Variants in ACTN3 observed in about 807,000 individuals in gnomAD.
ACTN3 encodes actinin alpha 3.
In ACTN3, 91 loss-of-function variants were observed where a neutral mutation model predicts 119.6. That is an observed-to-expected ratio of 0.76 (90% CI 0.64 to 0.91). ACTN3 has a LOEUF of 0.91. Among genes scored for constraint, ACTN3 ranks in the 40% least tolerant of loss-of-function variants. The pLI is 0.00. For synonymous variants in ACTN3, 456 were observed against 478.8 expected (o/e 0.95, Z 0.62); for missense variants, 1,221 against 1,215.1 (o/e 1.00, Z -0.07).
At position 66,555,283 on chromosome 11, in the gene ACTN3, T is replaced by C. The variant is rs1249032828; in HGVS notation, c.637-3T>C. The C allele has an allele frequency of 4.3e-6, 7 of 1,613,682 alleles. No individual in the cohort carries two copies. Among genetic ancestry groups the C allele is most frequent in the Non-Finnish European group, 1.7e-6 (2 of 1,179,752 alleles). On this transcript the variant is annotated splice_polypyrimidine_tract_variant and splice_region_variant and intron_variant, in intron 6 of 20. Coordinates refer to ENST00000513398, the MANE Select transcript of ACTN3 (RefSeq NM_001104.4). The stretch of plus-strand genomic sequence containing the variant: ...TTCACCCTCCTCCCTTACACCCTTC[T>C]AGGATGACCCCATCGGAAACCTGAA...
At position 66,561,545 on chromosome 11, in the gene ACTN3, T is replaced by A. The variant is rs762379295; in HGVS notation, c.2083T>A (p.Tyr695Asn). Residue 695 changes from tyrosine to asparagine, a missense_variant, in exon 17 of 21, where the codon TAC becomes AAC. Physicochemically the swap from Tyr to Asn is moderately radical, Grantham distance 143. This residue lies in a region of ACTN3 where 934 missense variants were observed against 899.9 expected (regional missense o/e 1.04). Coordinates refer to ENST00000513398, the MANE Select transcript of ACTN3 (RefSeq NM_001104.4). ...LRQQEQNIINYKTNIDRLEGD... is the reference protein window; with the variant it reads ...LRQQEQNIINNKTNIDRLEGD... ...GCAGCAGGAGCAGAACATTATCAAC[T>A]ACAAGACTAACATTGACCGGCTGGA... is the stretch of plus-strand genomic sequence containing the variant. 6.2e-7 allele frequency: 1 copy of A among 1,612,016 alleles called. No individual in the cohort carries two copies. The highest frequency in any genetic ancestry group is 2.2e-5 in the East Asian group (1 of 44,822).
chr11:66,557,639 T>C, intron 9 of ACTN3, 60 bp from the exon 10 acceptor site: 1 of 1,533,062 alleles, frequency 6.5e-7, no homozygotes, highest in Middle Eastern at 1.7e-4. Context: ...TGGAGAGGGG[T>C]GGGTGAGCTG....
In ACTN3 at chr11:66,563,059, C is replaced by T. The variant is rs374545131; in HGVS notation, c.2572C>T (p.Arg858Trp). 32 of 1,612,138 alleles carry T rather than the reference C, an allele frequency of 2.0e-5. No homozygotes were observed. The highest frequency in any genetic ancestry group is 9.3e-5 in the African/African-American group (7 of 74,890). Residue 858 changes from arginine (R) to tryptophan (W), a missense_variant, in exon 21 of 21, where the codon CGG becomes TGG. By Grantham distance (101) the Arg-to-Trp change is moderately radical. Around this residue, in one of 3 missense-constraint regions of ACTN3, gnomAD observed 934 missense variants for 899.9 expected, o/e 1.04. Transcript: ENST00000513398. The part of the protein sequence containing the change: ...DKNYITPEEL[R>W]RELPAKQAEY... Reference sequence around the variant, plus strand: ...GAACTACATCACCCCCGAGGAGCTGCGGCGCGAGCTCCCTGCCAAGCAGGC... The same window carrying T: ...GAACTACATCACCCCCGAGGAGCTGTGGCGCGAGCTCCCTGCCAAGCAGGC...
At chr11:66,555,572 TC>T (rs1857575323) in intron 7 of ACTN3, among the ~76,000 whole-genome samples, 2 of 151,560 alleles carry the variant, frequency 1.3e-5, no homozygotes, top group Non-Finnish European at 2.9e-5. Context: ...CTGCCACCTC[TC>T]CCCTATGTAA....
intron 12 of ACTN3, 46 bp from the exon 13 acceptor site, chr11:66,559,922 T>C: frequency 6.5e-7 from 1 of 1,539,804 alleles, no homozygotes; most frequent in Non-Finnish European, 8.8e-7. Flanking sequence ...AGTTAGGACA[T>C]CTGGGCTGGG....
Position 66,562,923 on chromosome 11 carries a change from T to C in ACTN3, c.2516T>C (p.Val839Ala), listed in dbSNP as rs1047345540. ...GAGACTGACACGACTGAGCAAGTTGTAGCTTCCTTCAAGATCTTGGCAGGA... is the reference window on the plus strand; with the variant it reads ...GAGACTGACACGACTGAGCAAGTTGCAGCTTCCTTCAAGATCTTGGCAGGA... ...TAETDTTEQVVASFKILAGDK... is the reference protein window; with the variant it reads ...TAETDTTEQVAASFKILAGDK... The change falls in exon 20 of 21, where the codon GTA (valine) becomes GCA (alanine). Residue 839 changes from valine to alanine, a missense_variant. Val to Ala is a moderately conservative substitution (Grantham distance 64). Transcript: ENST00000513398. 1.9e-6 allele frequency: 3 copies of C among 1,613,666 alleles called. No individual in the cohort carries two copies. The highest frequency in any genetic ancestry group is 2.7e-5 in the African/African-American group (2 of 74,996).
chr11:66,560,928 T>C (rs928998013), intron 15 of ACTN3, 173 bp downstream of exon 15: 1 of 281,030 alleles, frequency 3.6e-6, no homozygotes, highest in African/African-American at 2.3e-5. Flanking sequence ...CATCTGTATA[T>C]GATGAGCTGT....
intron 1 of ACTN3, among the ~76,000 whole-genome samples, chr11:66,549,384 A>G (rs1415502712): frequency 1.3e-5 from 2 of 152,202 alleles, no homozygotes; most frequent in African/African-American, 4.8e-5. Flanking sequence ...TCAGACCAAA[A>G]TGACTCTTGG....
chr11:66,562,272 A>G lies in ACTN3; in HGVS notation c.2338A>G (p.Met780Val), dbSNP rs1043778773. Residue 780 changes from methionine to valine, a missense_variant, in exon 19 of 21, where the codon ATG becomes GTG. By Grantham distance (21) the Met-to-Val change is conservative. Around this residue, in one of 3 missense-constraint regions of ACTN3, gnomAD observed 934 missense variants for 899.9 expected, o/e 1.04. Transcript: ENST00000513398. ...NHFDRKQNGMMEPDDFRACLI... is the reference protein window; with the variant it reads ...NHFDRKQNGMVEPDDFRACLI... ...CCCCCTACAGAAGCAGAATGGGATG[A>G]TGGAGCCTGATGACTTCCGAGCTTG... The G allele has an allele frequency of 1.1e-5, 17 of 1,613,712 alleles. No individual in the cohort carries two copies. Among genetic ancestry groups the G allele is most frequent in the Non-Finnish European group, 1.4e-5 (17 of 1,179,852 alleles).
intron 3 of ACTN3, among the ~76,000 whole-genome samples, chr11:66,552,994 C>T (rs1449146773): frequency 6.6e-6 from 1 of 151,596 alleles, no homozygotes; most frequent in Non-Finnish European, 1.5e-5. Context: ...TGATGGCTTA[C>T]ACCTGTAACC....
At chr11:66,553,200 G>A (rs148867550) in intron 3 of ACTN3, among the ~76,000 whole-genome samples, 2,492 of 152,062 alleles carry the variant, frequency 0.016, 78 homozygotes, top group African/African-American at 0.058. Flanking sequence ...GTTGCAGTGA[G>A]CTGAGATCAT....
Position 66,559,310 on chromosome 11 carries a change from C to T in ACTN3, c.1351C>T (p.His451Tyr). ...LQEVRALLRR[H>Y]EAFESDLAAH... ...GGAGGTGCGGGCGTTGCTGCGGCGC[C>T]ACGAGGCCTTTGAGAGCGACCTGGC... Residue 451 changes from histidine to tyrosine, a missense_variant, in exon 12 of 21, where the codon CAC (histidine) becomes TAC (tyrosine). Physicochemically the swap from His to Tyr is moderately conservative, Grantham distance 83 (BLOSUM62 2). Coordinates refer to ENST00000513398, the MANE Select transcript of ACTN3 (RefSeq NM_001104.4). The T allele has an allele frequency of 6.3e-7, 1 of 1,576,956 alleles. No individual in the cohort carries two copies. The highest frequency in any genetic ancestry group is 8.6e-7 in the Non-Finnish European group (1 of 1,163,976).
At position 66,560,292 on chromosome 11, in the gene ACTN3, A is replaced by G. The variant is rs746456021; in HGVS notation, c.1658A>G (p.His553Arg). 1 of 1,613,132 alleles carries G rather than the reference A, an allele frequency of 6.2e-7. No individual in the cohort carries two copies. The highest frequency in any genetic ancestry group is 1.1e-5 in the South Asian group (1 of 90,848). ...GACCTGCAGGACGTGTGGCTGGTACACTCTGTGGAGGAGACCCAGGTGGGT... is the reference window on the plus strand; with the variant it reads ...GACCTGCAGGACGTGTGGCTGGTACGCTCTGTGGAGGAGACCCAGGTGGGT... ...VEDLQDVWLV[H>R]SVEETQSLLT... The change falls in exon 14 of 21, where the codon CAC becomes CGC. Residue 553 changes from histidine to arginine, a missense_variant. Physicochemically the swap from His to Arg is conservative, Grantham distance 29 (BLOSUM62 0). Transcript: ENST00000513398.
Position 66,557,233 on chromosome 11 carries a change from T to C in ACTN3, c.897+8T>C, listed in dbSNP as rs1211915808. ...GAGAAGCTTGCCAGTGAGGTGAGGC[T>C]GGGCTCCCACCGTGCTCTCCCCACC... is the stretch of plus-strand genomic sequence containing the variant. On this transcript the variant is annotated splice_region_variant and intron_variant, in intron 9 of 20. Coordinates refer to ENST00000513398, the MANE Select transcript of ACTN3 (RefSeq NM_001104.4). 1 of 1,551,808 alleles carries C rather than the reference T, an allele frequency of 6.4e-7. No individual in the cohort carries two copies. The highest frequency in any genetic ancestry group is 2.0e-5 in the Admixed American group (1 of 51,000).
intron 15 of ACTN3, 106 bp from the exon 16 acceptor site, chr11:66,561,121 T>G (rs1277334575): frequency 1.4e-6 from 2 of 1,404,770 alleles, no homozygotes; most frequent in South Asian, 1.5e-5. Context: ...CCAGACAAGT[T>G]GGCTCAAAGC....
chr11:66,557,832 A>C lies in ACTN3; in HGVS notation c.1031A>C (p.Glu344Ala), dbSNP rs377498768. The change falls in exon 10 of 21, where the codon GAA becomes GCA. Residue 344 changes from glutamate to alanine, a missense_variant. Glu to Ala is a moderately radical substitution (Grantham distance 107). Coordinates refer to ENST00000513398, the MANE Select transcript of ACTN3 (RefSeq NM_001104.4). ...CTGCACAAGCCGCCCCGCATTCAGG[A>C]AAAGTGCCAGCTGGAGATCAACTTC... is the stretch of plus-strand genomic sequence containing the variant. ...RRLHKPPRIQ[E>A]KCQLEINFNT... 6.2e-7 allele frequency: 1 copy of C among 1,614,024 alleles called. No homozygotes were observed. The highest frequency in any genetic ancestry group is 1.3e-5 in the African/African-American group (1 of 74,932).
At chr11:66,554,157 G>A in intron 4 of ACTN3, 26 bp downstream of exon 4, 1 of 1,606,180 alleles carries the variant, frequency 6.2e-7, no homozygotes, top group Non-Finnish European at 8.5e-7. Context: ...GGAGGTTGGG[G>A]CCAGGTGCAG....
chr11:66,556,102 A>C, intron 7 of ACTN3, 43 bp from the exon 8 acceptor site: 4 of 1,548,980 alleles, frequency 2.6e-6, no homozygotes, highest in Non-Finnish European at 3.5e-6. Flanking sequence ...CTGGGGAGGG[A>C]CCCCTGGCTT....
chr11:66,559,156 G>A (rs1857673261), intron 11 of ACTN3, 80 bp from the exon 12 acceptor site: 1 of 1,388,100 alleles, frequency 7.2e-7, no homozygotes, highest in Non-Finnish European at 9.4e-7. Flanking sequence ...TAGCAGATGA[G>A]GCTTCATGGT....
Sources: gnomAD v4.1 joint callset for allele counts (sites outside exome capture counted in the v4.1 genomes callset) on GRCh38, gnomAD v4.1.1 for gene constraint, gnomAD v4.1.1 regional missense constraint, MANE v1.5 for transcripts, NCBI Gene and HGNC (gene_info 2026-07-23, HGNC 2026-07-21) for gene names.